Variants in RHOBTB3 observed in about 807,000 individuals in gnomAD.
The protein encoded by RHOBTB3 is rho-related BTB domain-containing protein 3.
RHOBTB3 carries 47 observed loss-of-function variants against 67.2 expected under a neutral mutation model. The ratio of observed to expected loss-of-function variants is 0.70; its 90% CI spans 0.55 to 0.89. RHOBTB3 has a LOEUF of 0.89. Ranked by LOEUF, RHOBTB3 falls within the 40% of genes least tolerant of loss-of-function variation. The probability of loss-of-function intolerance (pLI) is 0.00; values close to 1 mark genes in which losing one functional copy is unlikely to be tolerated. For synonymous variants in RHOBTB3, 273 were observed against 274.2 expected (o/e 1.00, Z 0.04); for missense variants, 631 against 750.0 (o/e 0.84, Z 1.85).
In RHOBTB3 at chr5:95,752,346, A is replaced by G. The variant is rs762544605; in HGVS notation, c.678A>G (p.Gln226=). Residue 226 remains glutamine, a synonymous_variant, in exon 5 of 12, where the codon CAA becomes CAG. Transcript: ENST00000379982. ...GAATTAGACCACCTCAACTTGAACA[A>G]CCAGGTGCATTTCTTAGCCAATGTC... ...FHGIRPPQLE[Q]PEKMPVLKAE... is the part of the protein sequence containing the mutation. 3 of 1,587,124 alleles carry G rather than the reference A, an allele frequency of 1.9e-6. No homozygotes were observed. In the East Asian group the frequency reaches 6.7e-5, roughly 36 times the overall value.
At chr5:95,756,977 T>G (rs1268008575) in intron 6 of RHOBTB3, among the ~76,000 whole-genome samples, 1 of 152,170 alleles carries the variant, frequency 6.6e-6, no homozygotes, top group African/African-American at 2.4e-5. Context: ...AGCTATTCAC[T>G]CTTCGGTTTG....
rs770190115 is a variant in RHOBTB3, at chr5:95,783,784, CT to C, written c.1457-9del. On this transcript the variant is annotated splice_polypyrimidine_tract_variant and intron_variant, in intron 9 of 11. Coordinates refer to ENST00000379982, the MANE Select transcript of RHOBTB3 (RefSeq NM_014899.4). ...TCATCATCCACTTTCTCTCATGTCC[CT>C]TTTCTCATCAGCTGGCATATTCCAG... The C allele has an allele frequency of 1.9e-6, 3 of 1,598,300 alleles. No individual in the cohort carries two copies. Among genetic ancestry groups the C allele is most frequent in the Admixed American group, 1.7e-5 (1 of 59,578 alleles).
intron 6 of RHOBTB3, among the ~76,000 whole-genome samples, chr5:95,756,993 T>C (rs1339163858): frequency 6.6e-6 from 1 of 152,186 alleles, no homozygotes; most frequent in Non-Finnish European, 1.5e-5. Flanking sequence ...GTTTGACTCT[T>C]AGGTTTTGTA....
At chr5:95,766,220 A>G (rs1177609172) in intron 7 of RHOBTB3, among the ~76,000 whole-genome samples, 1 of 151,916 alleles carries the variant, frequency 6.6e-6, no homozygotes, top group Admixed American at 6.6e-5. Flanking sequence ...CCACCATAGT[A>G]GATTAGAGTA....
chr5:95,783,500 A>T, intron 9 of RHOBTB3: 1 of 164,018 alleles, frequency 6.1e-6, no homozygotes. Context: ...CCAAAGTAGG[A>T]GGATCATTTG....
intron 10 of RHOBTB3, 89 bp from the exon 11 acceptor site, chr5:95,788,673 T>C: frequency 1.2e-6 from 1 of 822,966 alleles, no homozygotes; most frequent in Non-Finnish European, 2.0e-6. Context: ...ATATGGGCTC[T>C]CCGTGATTGC....
At chr5:95,743,088 AAAAT>A (rs1292965942) in intron 3 of RHOBTB3, among the ~76,000 whole-genome samples, 20 of 152,142 alleles carry the variant, frequency 1.3e-4, no homozygotes, top group African/African-American at 4.3e-4. Context: ...AAAAAAATAA[AAAAT>A]AAATAAAAAA....
chr5:95,793,744 C>T lies in RHOBTB3; in HGVS notation c.*570C>T. 4.0e-6 allele frequency: 1 copy of T among 247,842 alleles called. No homozygotes were observed. 15.4% of individuals were successfully genotyped at this position (247,842 alleles called of 1,614,324 possible). A position where few individuals can be genotyped will look rare whatever the true frequency, so the allele number is the denominator to read the frequency against. On this transcript the variant is annotated 3_prime_UTR_variant, in exon 12 of 12. Transcript: ENST00000379982. ...ATACCTGCTTTTCATCTGGACAACC[C>T]AATTGAGCCACTTTATCTCCTTTTG...
At chr5:95,732,281 A>C (rs1755305584) in intron 2 of RHOBTB3, 197 bp downstream of exon 2, 6 of 623,052 alleles carry the variant, frequency 9.6e-6, no homozygotes, top group Non-Finnish European at 1.7e-5. Flanking sequence ...CACTCTTAGG[A>C]AGATAGAAGG....
At chr5:95,784,786 T>C (rs1286644279) in intron 10 of RHOBTB3, among the ~76,000 whole-genome samples, 2 of 152,234 alleles carry the variant, frequency 1.3e-5, no homozygotes, top group Non-Finnish European at 1.5e-5. Flanking sequence ...CTTTCATTCC[T>C]GGAAGCAGAA....
chr5:95,753,534 A>G (rs1745154725), intron 5 of RHOBTB3, among the ~76,000 whole-genome samples: 1 of 152,166 alleles, frequency 6.6e-6, no homozygotes, highest in Admixed American at 6.5e-5. Context: ...TTTGGAATTT[A>G]AGGGACCTCA....
intron 3 of RHOBTB3, among the ~76,000 whole-genome samples, chr5:95,744,540 T>C (rs1755697064): frequency 6.6e-6 from 1 of 152,190 alleles, no homozygotes; most frequent in Admixed American, 6.5e-5. Flanking sequence ...GTGAATGGTT[T>C]TATGGATGAT....
At chr5:95,775,499 A>G (rs954512986) in intron 8 of RHOBTB3, among the ~76,000 whole-genome samples, 2 of 151,104 alleles carry the variant, frequency 1.3e-5, no homozygotes, top group Admixed American at 6.6e-5. Flanking sequence ...ATATTCCAAA[A>G]TCTAAAAAAA....
intron 1 of RHOBTB3, among the ~76,000 whole-genome samples, chr5:95,718,631 A>G (rs1250177496): frequency 2.0e-5 from 3 of 152,236 alleles, no homozygotes; most frequent in Admixed American, 2.0e-4. Flanking sequence ...TTATAGTGCC[A>G]TCAATATGCA....
At chr5:95,785,831 T>C (rs17085064) in intron 10 of RHOBTB3, among the ~76,000 whole-genome samples, 54,298 of 152,000 alleles carry the variant, frequency 0.36, 9,812 homozygotes, top group South Asian at 0.41. Flanking sequence ...CTTCTTAAAT[T>C]GTTTATGTAT....
intron 8 of RHOBTB3, among the ~76,000 whole-genome samples, chr5:95,775,772 T>C (rs1338574622): frequency 1.3e-5 from 2 of 152,124 alleles, no homozygotes; most frequent in African/African-American, 2.4e-5. Context: ...TTGTCATTGA[T>C]GTGTAATTTA....
chr5:95,770,569 A>G, intron 8 of RHOBTB3: 1 of 415,842 alleles, frequency 2.4e-6, no homozygotes, highest in South Asian at 2.1e-5. Flanking sequence ...TGGCCCAACG[A>G]AGGATGTGAG....
At position 95,732,024 on chromosome 5, in the gene RHOBTB3, C is replaced by G. The variant is rs376057591; in HGVS notation, c.168C>G (p.Thr56=). The change falls in exon 2 of 12, where the codon ACC becomes ACG. Residue 56 remains threonine (T), a synonymous_variant. Transcript: ENST00000379982. ...GCACGGTCGCGCGTCCGGTGTTCAC[C>G]GAGTATCAGGCCAGTGCGTTTGGGA... ...AASTVARPVF[T]EYQASAFGNV... is the part of the protein sequence containing the mutation. The G allele has an allele frequency of 6.2e-7, 1 of 1,614,192 alleles. No individual in the cohort carries two copies. The highest frequency in any genetic ancestry group is 8.5e-7 in the Non-Finnish European group (1 of 1,180,042).
intron 2 of RHOBTB3, among the ~76,000 whole-genome samples, chr5:95,735,758 T>A (rs1007559463): frequency 6.6e-6 from 1 of 152,202 alleles, no homozygotes; most frequent in African/African-American, 2.4e-5. Flanking sequence ...TACCTAAAGA[T>A]ATTTTCCTTA....
Sources: allele counts gnomAD v4.1 joint callset (sites outside exome capture counted in the v4.1 genomes callset), GRCh38; gene constraint gnomAD v4.1.1; transcripts MANE v1.5; gene names NCBI Gene and HGNC (gene_info 2026-07-23, HGNC 2026-07-21).